The following TFPT variants were observed in gnomAD, a reference collection of about 807,000 sequenced individuals.
The protein encoded by TFPT is TCF3 fusion partner.
A neutral mutation model predicts 28.8 loss-of-function variants in TFPT; 27 were observed. The ratio of observed to expected loss-of-function variants is 0.94; its 90% CI spans 0.69 to 1.29. The LOEUF (loss-of-function observed/expected upper bound fraction) is 1.29. TFPT is among the 50% of genes most tolerant of loss of function. The pLI is 0.00. For missense variants in TFPT, 330 were observed against 338.0 expected, an observed-to-expected ratio of 0.98 and a Z score of 0.19; for synonymous variants, 152 against 142.8, an observed-to-expected ratio of 1.06 and a Z score of -0.46.
At position 54,114,438 on chromosome 19, in the gene TFPT, C is replaced by G; in HGVS notation, c.282+4G>C. 3 of 1,611,790 alleles carry G rather than the reference C, an allele frequency of 1.9e-6. No individual in the cohort carries two copies. Among genetic ancestry groups the G allele is most frequent in the Non-Finnish European group, 8.5e-7 (1 of 1,179,034 alleles). On this transcript the variant is annotated splice_donor_region_variant and intron_variant, in intron 2 of 5. Coordinates refer to ENST00000391759, the MANE Select transcript of TFPT (RefSeq NM_013342.4). ...CCAAAACCGGGGGATCCGCACTCAC[C>G]TACCTGCTCGATCTCCCGGCAGCGC...
rs587700625 is a variant in TFPT at position 54,111,513 on chromosome 19, A to G, written c.283-1392T>C. Among the ~76,000 whole-genome samples the G allele has an allele frequency of 1.6e-4, 24 of 151,618 alleles. No homozygotes were observed. In the South Asian group the frequency reaches 3.5e-3, roughly 22 times the overall value. ...CATCTCTACTAAAAAAAAAAAAAAA[A>G]AAAGAAAAATACAAAAATTAGCTGG... On this transcript the variant is annotated intron_variant, in intron 2 of 5. Coordinates refer to ENST00000391759, the MANE Select transcript of TFPT (RefSeq NM_013342.4).
intron 2 of TFPT, 105 bp downstream of exon 2, chr19:54,114,337 A>G (rs186421099): frequency 1.1e-5 from 16 of 1,493,722 alleles, no homozygotes; most frequent in Middle Eastern, 1.8e-4. Flanking sequence ...ATGACTGAAT[A>G]TATCAGCAAG....
chr19:54,115,324 A>T lies in TFPT; in HGVS notation c.-55T>A. ...AGAGCTTCCGACCTCTTCAATCTGT[A>T]GGTTAAGCCGTTCGCAAAACTACTT... On this transcript the variant is annotated 5_prime_UTR_variant, in exon 1 of 6. Coordinates refer to ENST00000391759, the MANE Select transcript of TFPT (RefSeq NM_013342.4). 3.7e-6 allele frequency: 6 copies of T among 1,613,218 alleles called. No individual in the cohort carries two copies. Among genetic ancestry groups the T allele is most frequent in the Non-Finnish European group, 5.1e-6 (6 of 1,179,892 alleles).
chr19:54,110,122 C>T lies in TFPT; in HGVS notation c.283-1G>A, dbSNP rs914798141. The T allele has an allele frequency of 6.2e-7, 1 of 1,614,158 alleles. No homozygotes were observed. Among genetic ancestry groups the T allele is most frequent in the Non-Finnish European group, 8.5e-7 (1 of 1,180,042 alleles). Reference sequence around the variant, plus strand: ...GCCTGTTCAGGACCCGCTCGTTCACCTATGGGGTGGGAAACGCCCATCAGC... The same window carrying T: ...GCCTGTTCAGGACCCGCTCGTTCACTTATGGGGTGGGAAACGCCCATCAGC... On this transcript the variant is annotated splice_acceptor_variant, in intron 2 of 5. Coordinates refer to ENST00000391759, the MANE Select transcript of TFPT (RefSeq NM_013342.4). LOFTEE classifies it high-confidence loss of function.
chr19:54,111,684 GAA>G (rs56412241), intron 2 of TFPT, among the ~76,000 whole-genome samples: 4,646 of 119,452 alleles, frequency 0.039, 225 homozygotes, highest in African/African-American at 0.12. Context: ...TGTCTCAAAA[GAA>G]AAAAAAAAAA....
At chr19:54,111,979 TA>T (rs1308307515) in intron 2 of TFPT, among the ~76,000 whole-genome samples, 9 of 150,158 alleles carry the variant, frequency 6.0e-5, no homozygotes, top group African/African-American at 1.5e-4. Context: ...AAAATCCATC[TA>T]AAAAAAAAGA....
In TFPT at chr19:54,108,117, C is replaced by T. The variant is rs370305737; in HGVS notation, c.551G>A (p.Gly184Asp). ...APPEPGSPAP[G>D]EGPSGRKRRR... ...CCTCTTCCGCCCACTGGGCCCCTCA[C>T]CGGGGGCTGGGCTGCCGGGTTCTGG... The change falls in exon 5 of 6, where the codon GGT becomes GAT. Residue 184 changes from glycine (G) to aspartate (D), a missense_variant. Physicochemically the swap from Gly to Asp is moderately conservative, Grantham distance 94 (BLOSUM62 -1). Transcript: ENST00000391759. The T allele has an allele frequency of 3.6e-5, 56 of 1,575,802 alleles. No individual in the cohort carries two copies. The highest frequency in any genetic ancestry group is 4.0e-5 in the Non-Finnish European group (47 of 1,160,678).
intron 2 of TFPT, among the ~76,000 whole-genome samples, chr19:54,113,023 G>T (rs1423870704): frequency 6.7e-6 from 1 of 149,670 alleles, no homozygotes; most frequent in Non-Finnish European, 1.5e-5. Context: ...AACCCAGGAG[G>T]TGGAGGTTAC....
rs750339337 is a variant in TFPT at position 54,110,055 on chromosome 19, G to A, written c.349C>T (p.Arg117Trp). 1.3e-5 allele frequency: 21 copies of A among 1,613,998 alleles called. No homozygotes were observed. The highest frequency in any genetic ancestry group is 2.2e-5 in the East Asian group (1 of 44,892). The change falls in exon 3 of 6, where the codon CGG (arginine) becomes TGG (tryptophan). Residue 117 changes from arginine (R) to tryptophan (W), a missense_variant. Physicochemically the swap from Arg to Trp is moderately radical, Grantham distance 101. Transcript: ENST00000391759. ...AGGGGACAGAGAAGGGGTTACCTCCGTTCCTGCTGCAGCCTCCGAGTTATC... is the reference window on the plus strand; with the variant it reads ...AGGGGACAGAGAAGGGGTTACCTCCATTCCTGCTGCAGCCTCCGAGTTATC... Reference protein sequence around the residue: ...QRITRRLQQERRFLMRVLDSY... With the variant: ...QRITRRLQQEWRFLMRVLDSY...
In TFPT at chr19:54,107,920, A is replaced by G. The variant is rs188660287; in HGVS notation, c.642+106T>C. Reference sequence around the variant, plus strand: ...ACCAAAACCCAAGAGCCCTGAACCTAACTCAGCCCCAGCCCTGGCCCCTCC... The same window carrying G: ...ACCAAAACCCAAGAGCCCTGAACCTGACTCAGCCCCAGCCCTGGCCCCTCC... On this transcript the variant is annotated intron_variant, in intron 5 of 5. Transcript: ENST00000391759. 1.1e-4 allele frequency: 132 copies of G among 1,242,896 alleles called. No homozygotes were observed. In the African/African-American group the frequency reaches 1.9e-3, roughly 18 times the overall value. 77.0% of individuals were successfully genotyped at this position (1,242,896 alleles called of 1,614,324 possible).
chr19:54,108,531 A>C, intron 3 of TFPT, 136 bp from the exon 4 acceptor site: 5 of 1,612,306 alleles, frequency 3.1e-6, no homozygotes, highest in Non-Finnish European at 4.2e-6. Flanking sequence ...GAGCTCTGGC[A>C]CTGGAGGCCT....
At position 54,114,586 on chromosome 19, in the gene TFPT, C is replaced by T; in HGVS notation, c.138G>A (p.Glu46=). The change falls in exon 2 of 6, where the codon GAG becomes GAA. Residue 46 remains glutamate (E), a synonymous_variant. Coordinates refer to ENST00000391759, the MANE Select transcript of TFPT (RefSeq NM_013342.4). The part of the protein sequence containing the change: ...ILESELETEV[E]FVSGGLGGSG... ...AGCCGCCCAGACCACCTGACACAAACTCCACTTCCGTCTCCAGCTCGCTCT... is the reference window on the plus strand; with the variant it reads ...AGCCGCCCAGACCACCTGACACAAATTCCACTTCCGTCTCCAGCTCGCTCT... 1 of 1,614,152 alleles carries T rather than the reference C, an allele frequency of 6.2e-7. No homozygotes were observed. Among genetic ancestry groups the T allele is most frequent in the South Asian group, 1.1e-5 (1 of 91,072 alleles).
chr19:54,108,324 A>G lies in TFPT; in HGVS notation c.423+2T>C. On this transcript the variant is annotated splice_donor_variant, in intron 4 of 5. Transcript: ENST00000391759. LOFTEE classifies it high-confidence loss of function. ...TGACCCTCCTGGAGGCCCAACACTC[A>G]CCTCCAGCACAATGGTGAACTGGCT... 6.2e-7 allele frequency: 1 copy of G among 1,600,794 alleles called. No individual in the cohort carries two copies.
In TFPT at chr19:54,108,110, C is replaced by G; in HGVS notation, c.558G>C (p.Gly186=). The G allele has an allele frequency of 6.4e-7, 1 of 1,573,990 alleles. No individual in the cohort carries two copies. The highest frequency in any genetic ancestry group is 8.6e-7 in the Non-Finnish European group (1 of 1,159,718). ...CTCGCCGCCTCTTCCGCCCACTGGG[C>G]CCCTCACCGGGGGCTGGGCTGCCGG... The part of the protein sequence containing the change: ...PEPGSPAPGE[G]PSGRKRRRVP... The change falls in exon 5 of 6, where the codon GGG becomes GGC. Residue 186 remains glycine (G), a synonymous_variant. Coordinates refer to ENST00000391759, the MANE Select transcript of TFPT (RefSeq NM_013342.4).
rs1467321804 is a variant in TFPT at position 54,115,441 on chromosome 19, A to AC, written c.-173dup. On this transcript the variant is annotated 5_prime_UTR_variant, in exon 1 of 6. Transcript: ENST00000391759. Reference sequence around the variant, plus strand: ...CCTGTTTCCGGCTTCGCTTCGGCCCACCCCCACGTCCACCCCGAATCCCTG... The same window carrying AC: ...CCTGTTTCCGGCTTCGCTTCGGCCCACCCCCCACGTCCACCCCGAATCCCTG... 4.8e-6 allele frequency: 4 copies of AC among 826,072 alleles called. No homozygotes were observed. Among genetic ancestry groups the AC allele is most frequent in the East Asian group, 2.6e-5 (1 of 37,898 alleles). 51.2% of individuals were successfully genotyped at this position (826,072 alleles called of 1,614,324 possible). A position where few individuals can be genotyped will look rare whatever the true frequency, so the allele number is the denominator to read the frequency against.
rs141225740 is a variant in TFPT at position 54,109,924 on chromosome 19, C to A, written c.353+127G>T. 2.6e-3 allele frequency: 1,636 copies of A among 637,238 alleles called. 18 individuals are homozygous for A. The African/African-American group carries it at 0.055, about 21-fold the overall frequency. 39.5% of individuals were successfully genotyped at this position (637,238 alleles called of 1,614,324 possible). The stretch of plus-strand genomic sequence containing the variant: ...CCTCCTTGTTTGCCTCAGCCCCCGG[C>A]CCTCATCTCCGGCTTCTCCTTGTGG... On this transcript the variant is annotated intron_variant, in intron 3 of 5. Coordinates refer to ENST00000391759, the MANE Select transcript of TFPT (RefSeq NM_013342.4).
Position 54,108,228 on chromosome 19 carries a change from C to T in TFPT, c.440G>A (p.Gly147Asp), listed in dbSNP as rs1481313637. The T allele has an allele frequency of 6.3e-7, 1 of 1,590,760 alleles. No homozygotes were observed. The highest frequency in any genetic ancestry group is 2.3e-5 in the East Asian group (1 of 43,828). The change falls in exon 5 of 6, where the codon GGC becomes GAC. Residue 147 changes from glycine (G) to aspartate (D), a missense_variant. Gly to Asp is a moderately conservative substitution (Grantham distance 94). Coordinates refer to ENST00000391759, the MANE Select transcript of TFPT (RefSeq NM_013342.4). The stretch of plus-strand genomic sequence containing the variant: ...ATTGCCTGGGGTGGGGGCATCCGTG[C>T]CCTGGCTGCCCTCATCCTGGCAGGC... Reference protein sequence around the residue: ...TIVLEDEGSQGTDAPTPGNAE... With the variant: ...TIVLEDEGSQDTDAPTPGNAE...
At position 54,115,370 on chromosome 19, in the gene TFPT, C is replaced by T; in HGVS notation, c.-101G>A. On this transcript the variant is annotated 5_prime_UTR_variant, in exon 1 of 6. Coordinates refer to ENST00000391759, the MANE Select transcript of TFPT (RefSeq NM_013342.4). ...TACTTGTCCCATCAGGCTCAGCAGC[C>T]GAGGACGGCGGGACGTGGCCCTAGG... is the stretch of plus-strand genomic sequence containing the variant. The T allele has an allele frequency of 2.5e-6, 4 of 1,568,912 alleles. No individual in the cohort carries two copies. The highest frequency in any genetic ancestry group is 2.6e-6 in the Non-Finnish European group (3 of 1,144,522).
chr19:54,112,163 G>A (rs1480723576), intron 2 of TFPT, among the ~76,000 whole-genome samples: 1 of 151,376 alleles, frequency 6.6e-6, no homozygotes, highest in Non-Finnish European at 1.5e-5. Flanking sequence ...TTCGGAGGCT[G>A]AGATTGCTAG....
Sources: gnomAD v4.1 joint callset for allele counts (sites outside exome capture counted in the v4.1 genomes callset) on GRCh38, gnomAD v4.1.1 for gene constraint, MANE v1.5 for transcripts, NCBI Gene and HGNC (gene_info 2026-07-23, HGNC 2026-07-21) for gene names.